WDPCP: variants seen among roughly 807,000 people sequenced by gnomAD.
WDPCP encodes the protein WD repeat containing planar cell polarity effector, also known as WD repeat-containing and planar cell polarity effector protein fritz homolog.
A neutral mutation model predicts 93.1 loss-of-function variants in WDPCP; 71 were observed. The observed-to-expected ratio is 0.76, with a 90% confidence interval of 0.63 to 0.93. The LOEUF (loss-of-function observed/expected upper bound fraction) is 0.93. Among genes scored for constraint, WDPCP ranks in the 40% least tolerant of loss-of-function variants. The pLI is 0.00. For synonymous variants in WDPCP, 315 were observed against 315.0 expected (o/e 1.00, Z 0.00); for missense variants, 844 against 887.4 (o/e 0.95, Z 0.62).
At chr2:63,308,970 A>G (rs906858996) in intron 13 of WDPCP, among the ~76,000 whole-genome samples, 6 of 152,328 alleles carry the variant, frequency 3.9e-5, no homozygotes, top group African/African-American at 1.2e-4. Context: ...TTGCAGCAAC[A>G]TGGATGGAGT....
intron 2 of WDPCP, among the ~76,000 whole-genome samples, chr2:63,693,098 C>T (rs1341208084): frequency 1.3e-5 from 2 of 152,144 alleles, no homozygotes; most frequent in African/African-American, 4.8e-5. Flanking sequence ...GTGGCAAATG[C>T]AAACTCTGGT....
chr2:63,669,549 G>A (rs927316991), intron 2 of WDPCP, among the ~76,000 whole-genome samples: 4 of 151,860 alleles, frequency 2.6e-5, no homozygotes, highest in Non-Finnish European at 5.9e-5. Flanking sequence ...TAGTAGAGAT[G>A]GGGTTTTGCC....
At chr2:63,838,561 T>C in the WDPCP span, among the ~76,000 whole-genome samples, 3 of 151,940 alleles carry the variant, frequency 2.0e-5, no homozygotes, top group Non-Finnish European at 2.9e-5. Flanking sequence ...CCCATCTTCA[T>C]TCTTTGGATC....
Position 63,178,439 on chromosome 2 carries a change from T to C in WDPCP, c.1916-3607A>G, listed in dbSNP as rs570479344. Among the ~76,000 whole-genome samples the C allele has an allele frequency of 9.8e-5, 15 of 152,312 alleles. No individual in the cohort carries two copies. In the South Asian group the frequency reaches 1.9e-3, roughly 19 times the overall value. ...TCTTCATTATCCAATCTTGGTTAGTTGTGTGTTTAAAAGATTTTGTCCATT... is the reference window on the plus strand; with the variant it reads ...TCTTCATTATCCAATCTTGGTTAGTCGTGTGTTTAAAAGATTTTGTCCATT... On this transcript the variant is annotated intron_variant, in intron 14 of 17. Coordinates refer to ENST00000272321, the MANE Select transcript of WDPCP (RefSeq NM_015910.7).
intron 2 of WDPCP, among the ~76,000 whole-genome samples, chr2:63,806,439 C>T (rs1001652703): frequency 3.3e-5 from 5 of 152,076 alleles, no homozygotes; most frequent in South Asian, 2.1e-4. Flanking sequence ...GGAGGCAGGG[C>T]GAGATCACAA....
At chr2:63,714,985 TA>T (rs1335357849) in intron 2 of WDPCP, among the ~76,000 whole-genome samples, 1 of 152,116 alleles carries the variant, frequency 6.6e-6, no homozygotes, top group African/African-American at 2.4e-5. Context: ...TATTCAGTCA[TA>T]AAAAAAGAAT....
intron 6 of WDPCP, chr2:63,440,119 T>C (rs914635291): frequency 1.5e-5 from 6 of 409,558 alleles, no homozygotes; most frequent in East Asian, 4.1e-5. Flanking sequence ...ATTTAGGCCA[T>C]GTTTATTAGA....
At chr2:63,256,539 T>C (rs143933584) in intron 14 of WDPCP, among the ~76,000 whole-genome samples, 48 of 151,908 alleles carry the variant, frequency 3.2e-4, no homozygotes, top group African/African-American at 1.0e-3. Context: ...AAACTGGAAG[T>C]AGCTACTAAG....
chr2:63,210,158 G>A (rs1364200699), intron 14 of WDPCP, among the ~76,000 whole-genome samples: 2 of 151,818 alleles, frequency 1.3e-5, no homozygotes, highest in East Asian at 1.9e-4. Context: ...TATATTTACA[G>A]AATATACATA....
chr2:63,377,594 C>T (rs1469283009), intron 12 of WDPCP, among the ~76,000 whole-genome samples: 2 of 151,310 alleles, frequency 1.3e-5, no homozygotes, highest in Non-Finnish European at 3.0e-5. Flanking sequence ...AGAAACAGAA[C>T]ATTACTAATA....
intron 2 of WDPCP, among the ~76,000 whole-genome samples, chr2:63,664,201 A>T (rs262518): frequency 6.6e-6 from 1 of 152,070 alleles, no homozygotes; most frequent in South Asian, 2.1e-4. Flanking sequence ...AGTTGTGACC[A>T]TCAAAGTTCT....
At chr2:63,663,088 C>T (rs990385693) in intron 2 of WDPCP, among the ~76,000 whole-genome samples, 4 of 152,198 alleles carry the variant, frequency 2.6e-5, no homozygotes, top group African/African-American at 7.2e-5. Flanking sequence ...TGCCTTACAA[C>T]ACAACAATCT....
Position 63,682,227 on chromosome 2 carries a change from G to T in WDPCP, n.309-31389C>A, listed in dbSNP as rs188000655. 2.0e-5 allele frequency among the ~76,000 whole-genome samples: 3 copies of T among 152,358 alleles called. No individual in the cohort carries two copies. The East Asian group carries it at 5.8e-4, about 29-fold the overall frequency. ...ACCAATCATGGAGAAACAGGGACAT[G>T]TGACTTTTCAGACAGAGAATTCAAA... is the stretch of plus-strand genomic sequence containing the variant. On this transcript the variant is annotated intron_variant and non_coding_transcript_variant, in intron 2 of 4. Transcript: ENST00000467687.
chr2:63,819,492 G>T (rs1186814594), intron 1 of WDPCP, among the ~76,000 whole-genome samples: 1 of 152,252 alleles, frequency 6.6e-6, no homozygotes. Flanking sequence ...CAAGCCCAGT[G>T]GTTCTCAAAC....
intron 1 of WDPCP, 36 bp from the exon 2 acceptor site, chr2:63,492,976 A>C (rs754477939): frequency 4.2e-5 from 65 of 1,548,338 alleles, no homozygotes; most frequent in Non-Finnish European, 5.4e-5. Context: ...GTGCCAATTA[A>C]TTATCTTCTA....
Position 63,153,509 on chromosome 2 carries a change from G to A in WDPCP, c.2144C>T (p.Thr715Ile). The change falls in exon 16 of 18, where the codon ACC (threonine) becomes ATC (isoleucine). Residue 715 changes from threonine to isoleucine, a missense_variant. Physicochemically the swap from Thr to Ile is moderately conservative, Grantham distance 89 (BLOSUM62 -1). Transcript: ENST00000272321. ...DICSGFLMTN[T>I]CNAEDGELRE... is the part of the protein sequence containing the mutation. ...AATACCATTACCTTCTGCATTACAGGTATTAGTCATCAAAAATCCAGAACA... is the reference window on the plus strand; with the variant it reads ...AATACCATTACCTTCTGCATTACAGATATTAGTCATCAAAAATCCAGAACA... 1 of 1,611,668 alleles carries A rather than the reference G, an allele frequency of 6.2e-7. No individual in the cohort carries two copies. The highest frequency in any genetic ancestry group is 8.5e-7 in the Non-Finnish European group (1 of 1,178,458).
At chr2:63,719,377 T>C (rs529190856) in intron 2 of WDPCP, among the ~76,000 whole-genome samples, 1 of 152,322 alleles carries the variant, frequency 6.6e-6, no homozygotes, top group African/African-American at 2.4e-5. Flanking sequence ...CCTCTTTTTC[T>C]GTCTGCTCTC....
intron 6 of WDPCP, among the ~76,000 whole-genome samples, chr2:63,479,406 T>A (rs1700143135): frequency 6.6e-6 from 1 of 152,070 alleles, no homozygotes; most frequent in Admixed American, 6.6e-5. Flanking sequence ...CAGACCAATA[T>A]TCCTGATGAA....
intron 2 of WDPCP, chr2:63,717,120 T>G: frequency 2.9e-6 from 1 of 347,070 alleles, no homozygotes; most frequent in Admixed American, 3.9e-5. Flanking sequence ...GGAGTTCACC[T>G]GCCATGGCAT....
Sources: gnomAD v4.1 joint callset for allele counts (sites outside exome capture counted in the v4.1 genomes callset) on GRCh38, gnomAD v4.1.1 for gene constraint, MANE v1.5 for transcripts, NCBI Gene and HGNC (gene_info 2026-07-23, HGNC 2026-07-21) for gene names.